GOSR1: variants seen among roughly 807,000 people sequenced by gnomAD.
The protein encoded by GOSR1 is golgi SNAP receptor complex member 1, also known as 28 kDa Golgi SNARE protein.
In GOSR1, 21 loss-of-function variants were observed where a neutral mutation model predicts 35.5. The ratio of observed to expected loss-of-function variants is 0.59; its 90% confidence interval spans 0.42 to 0.85. The LOEUF is 0.85. Among genes scored for constraint, GOSR1 ranks in the 40% least tolerant of loss-of-function variants. The probability of loss-of-function intolerance (pLI) is 0.00; values close to 1 mark genes in which losing one functional copy is unlikely to be tolerated. For missense variants in GOSR1, 285 were observed against 309.6 expected, an observed-to-expected ratio of 0.92 and a Z score of 0.60; for synonymous variants, 94 against 106.6, an observed-to-expected ratio of 0.88 and a Z score of 0.73.
At position 30,522,930 on chromosome 17, in the gene GOSR1, C is replaced by CGAG. The variant is rs1567921306; in HGVS notation, c.*552_*553insGAG. On this transcript the variant is annotated 3_prime_UTR_variant, in exon 9 of 9. Transcript: ENST00000451249. ...CAACCTCCCTGCCTGATTCTCCTGC[C>CGAG]TCAGCCTGCCGAGTGCCTGCAATTG... The CGAG allele has an allele frequency of 5.2e-6, 1 of 190,550 alleles. No individual in the cohort carries two copies. The highest frequency in any genetic ancestry group is 6.2e-5 in the Admixed American group (1 of 16,066). 11.8% of individuals were successfully genotyped at this position (190,550 alleles called of 1,614,324 possible). A position where few individuals can be genotyped will look rare whatever the true frequency, so the allele number is the denominator to read the frequency against.
intron 8 of GOSR1, 170 bp downstream of exon 8, chr17:30,520,191 A>T: frequency 2.0e-6 from 1 of 510,828 alleles, no homozygotes; most frequent in Non-Finnish European, 3.5e-6. Flanking sequence ...TATGCTCTTT[A>T]GTACCATTCC....
rs1014176624 is a variant in GOSR1, at chr17:30,523,273, A to G, written c.*895A>G. 5.0e-5 allele frequency: 8 copies of G among 159,468 alleles called. No homozygotes were observed. Among genetic ancestry groups the G allele is most frequent in the Admixed American group, 4.1e-4 (6 of 14,558 alleles). 9.9% of individuals were successfully genotyped at this position (159,468 alleles called of 1,614,324 possible). On this transcript the variant is annotated 3_prime_UTR_variant, in exon 9 of 9. Transcript: ENST00000451249. ...GAGGAGCGTCTCTGCCCGGCCGCCCATCGTCTGAGATGTGGGGAGCGCCTC... is the reference window on the plus strand; with the variant it reads ...GAGGAGCGTCTCTGCCCGGCCGCCCGTCGTCTGAGATGTGGGGAGCGCCTC...
At chr17:30,508,461 T>G (rs898809996) in intron 6 of GOSR1, among the ~76,000 whole-genome samples, 2 of 152,230 alleles carry the variant, frequency 1.3e-5, no homozygotes, top group African/African-American at 4.8e-5. Flanking sequence ...GTTAACCCCC[T>G]TTTTTGTGAC....
chr17:30,510,713 TAAAA>T (rs1220396428), intron 6 of GOSR1, 163 bp from the exon 7 acceptor site: 7 of 495,336 alleles, frequency 1.4e-5, no homozygotes, highest in Non-Finnish European at 2.6e-5. Context: ...GACTCTGTCT[TAAAA>T]AAGAAAAAAA....
intron 1 of GOSR1, chr17:30,477,810 C>T (rs1280103077): frequency 1.0e-6 from 1 of 984,994 alleles, no homozygotes; most frequent in Non-Finnish European, 1.2e-6. Context: ...TGAGAGGAAA[C>T]GAATGTTGAG....
At chr17:30,497,917 G>C (rs1332863845) in intron 6 of GOSR1, among the ~76,000 whole-genome samples, 1 of 152,080 alleles carries the variant, frequency 6.6e-6, no homozygotes, top group African/African-American at 2.4e-5. Context: ...AATAAGCCAG[G>C]TGTGGTGGCA....
chr17:30,522,442 A>T lies in GOSR1; in HGVS notation c.*64A>T. 7.3e-7 allele frequency: 1 copy of T among 1,364,804 alleles called. No individual in the cohort carries two copies. The highest frequency in any genetic ancestry group is 9.9e-7 in the Non-Finnish European group (1 of 1,011,052). 84.5% of individuals were successfully genotyped at this position (1,364,804 alleles called of 1,614,324 possible). A position where few individuals can be genotyped will look rare whatever the true frequency, so the allele number is the denominator to read the frequency against. ...ACACCCTGGTCTGGAATAAGGAAACATCGGAGGGAGAAGTTGACTGTCTTG... is the reference window on the plus strand; with the variant it reads ...ACACCCTGGTCTGGAATAAGGAAACTTCGGAGGGAGAAGTTGACTGTCTTG... On this transcript the variant is annotated 3_prime_UTR_variant, in exon 9 of 9. Transcript: ENST00000451249.
chr17:30,484,166 A>G (rs1426662810), intron 2 of GOSR1, 48 bp from the exon 3 acceptor site: 1 of 918,604 alleles, frequency 1.1e-6, no homozygotes, highest in Non-Finnish European at 1.8e-6. Context: ...GTATGTTTTA[A>G]AGGACTGATT....
intron 6 of GOSR1, among the ~76,000 whole-genome samples, chr17:30,498,307 T>C (rs537269580): frequency 1.4e-4 from 21 of 152,242 alleles, no homozygotes; most frequent in Non-Finnish European, 2.8e-4. Flanking sequence ...AGTATTGTGC[T>C]GGGTGCTGGA....
intron 6 of GOSR1, among the ~76,000 whole-genome samples, chr17:30,506,575 T>G (rs1567910787): frequency 6.6e-6 from 1 of 152,188 alleles, no homozygotes. Flanking sequence ...CTCTATAATA[T>G]AGAAGTGCAA....
chr17:30,493,222 C>G (rs1160583189), intron 6 of GOSR1, among the ~76,000 whole-genome samples: 1 of 152,110 alleles, frequency 6.6e-6, no homozygotes, highest in Non-Finnish European at 1.5e-5. Flanking sequence ...TCTCCATCTC[C>G]TGACCTCGTG....
intron 7 of GOSR1, among the ~76,000 whole-genome samples, chr17:30,516,223 C>G (rs1022084372): frequency 6.6e-6 from 1 of 152,138 alleles, no homozygotes; most frequent in African/African-American, 2.4e-5. Flanking sequence ...GTAATCCCAG[C>G]ACTTTGGGAG....
intron 4 of GOSR1, among the ~76,000 whole-genome samples, chr17:30,485,859 T>TA (rs1390151521): frequency 6.6e-6 from 1 of 151,824 alleles, no homozygotes; most frequent in Non-Finnish European, 1.5e-5. Context: ...CTGTCTCTAC[T>TA]AAAAGTATAA....
chr17:30,515,997 G>T (rs1009770864), intron 7 of GOSR1, among the ~76,000 whole-genome samples: 11 of 152,142 alleles, frequency 7.2e-5, no homozygotes, highest in African/African-American at 2.7e-4. Flanking sequence ...AGTTGAAAGT[G>T]ATCCAAATCC....
rs1968118601 is a variant in GOSR1 at position 30,523,536 on chromosome 17, C to T, written c.*1158C>T. ...TCCGGGAGGGAGGTGGGGGGGTCAG[C>T]CCCCCGCCCGGCCAGCCGCCCCGTC... On this transcript the variant is annotated 3_prime_UTR_variant, in exon 9 of 9. Coordinates refer to ENST00000451249, the MANE Select transcript of GOSR1 (RefSeq NM_001007025.2). The T allele has an allele frequency of 6.4e-6, 1 of 155,272 alleles. No homozygotes were observed. The highest frequency in any genetic ancestry group is 1.4e-5 in the Non-Finnish European group (1 of 71,844). The allele number at this position is 155,272 out of a possible 1,614,324, so 9.6% of individuals were successfully genotyped here.
Position 30,519,999 on chromosome 17 carries a change from C to G in GOSR1, c.600C>G (p.His200Gln), listed in dbSNP as rs781039058. ...AGAGAGGAATGTTGAAGTCAATTCA[C>G]AGCAAAATGAACACTTTGGCCAGTA... ...TSQRGMLKSI[H>Q]SKMNTLANRF... Residue 200 changes from histidine (H) to glutamine (Q), a missense_variant, in exon 8 of 9, where the codon CAC becomes CAG. Transcript: ENST00000451249. The G allele has an allele frequency of 6.2e-7, 1 of 1,606,568 alleles. No homozygotes were observed. The highest frequency in any genetic ancestry group is 2.2e-5 in the East Asian group (1 of 44,764).
At chr17:30,502,541 A>G (rs1320421639) in intron 6 of GOSR1, among the ~76,000 whole-genome samples, 1 of 152,134 alleles carries the variant, frequency 6.6e-6, no homozygotes, top group Non-Finnish European at 1.5e-5. Context: ...ACTGCTAATG[A>G]CTCAGCTTTT....
intron 8 of GOSR1, 87 bp downstream of exon 8, chr17:30,520,108 T>A: frequency 1.2e-6 from 1 of 818,904 alleles, no homozygotes; most frequent in Non-Finnish European, 2.1e-6. Flanking sequence ...CAGGTTGCCA[T>A]CATCAGTAGC....
chr17:30,515,069 A>G (rs558316384), intron 7 of GOSR1, among the ~76,000 whole-genome samples: 3 of 152,154 alleles, frequency 2.0e-5, no homozygotes, highest in Admixed American at 6.5e-5. Context: ...TCTGCCTTTC[A>G]TGTTACCTCC....
Sources: allele counts gnomAD v4.1 joint callset (sites outside exome capture counted in the v4.1 genomes callset), GRCh38; gene constraint gnomAD v4.1.1; transcripts MANE v1.5; gene names NCBI Gene and HGNC (gene_info 2026-07-23, HGNC 2026-07-21).